The following CLNK variants were observed in gnomAD, a reference collection of about 807,000 sequenced individuals.
CLNK encodes cytokine-dependent hematopoietic cell linker.
CLNK carries 74 observed loss-of-function variants against 68.6 expected under a neutral mutation model. The ratio of observed to expected loss-of-function variants is 1.08; its 90% CI spans 0.89 to 1.31. The LOEUF is 1.31. CLNK is among the 50% of genes most tolerant of loss of function. CLNK has a pLI of 0.00. For missense variants in CLNK, 553 were observed against 515.3 expected (o/e 1.07, Z -0.71); for synonymous variants, 198 against 172.2 (o/e 1.15, Z -1.17).
the CLNK span, among the ~76,000 whole-genome samples, chr4:10,699,264 TACACAC>T: frequency 7.1e-5 from 5 of 69,982 alleles, no homozygotes; most frequent in Admixed American, 1.3e-4. Context: ...TATGTGTGTA[TACACAC>T]ACACACACCA....
the CLNK span, among the ~76,000 whole-genome samples, chr4:10,728,693 G>A: frequency 0.43 from 63,234 of 148,686 alleles, 13,949 homozygotes; most frequent in East Asian, 0.61. Context: ...GGTTCACACT[G>A]TTCTCCTGCC....
chr4:10,629,460 C>G (rs577443990), intron 2 of CLNK, among the ~76,000 whole-genome samples: 1 of 152,180 alleles, frequency 6.6e-6, no homozygotes. Flanking sequence ...GGGGTGTTCA[C>G]AGATGAGGCC....
At chr4:10,667,638 T>C (rs913520258) in intron 2 of CLNK, among the ~76,000 whole-genome samples, 2 of 139,830 alleles carry the variant, frequency 1.4e-5, no homozygotes, top group Non-Finnish European at 3.1e-5. Context: ...CACACACCCA[T>C]GCTGGGTGAC....
intron 4 of CLNK, among the ~76,000 whole-genome samples, chr4:10,582,728 T>C (rs1720827086): frequency 6.6e-6 from 1 of 152,176 alleles, no homozygotes. Context: ...GTATACAAAA[T>C]CATATGCTAC....
At chr4:10,637,902 C>T (rs904500604) in intron 2 of CLNK, among the ~76,000 whole-genome samples, 4 of 152,038 alleles carry the variant, frequency 2.6e-5, no homozygotes, top group East Asian at 3.9e-4. Context: ...ATTCTGCGCC[C>T]GGCCCATCAT....
At chr4:10,689,676 G>T (rs1488386669), upstream of CLNK, among the ~76,000 whole-genome samples, 1 of 147,800 alleles carries the variant, frequency 6.8e-6, no homozygotes, top group Non-Finnish European at 1.5e-5. Flanking sequence ...AACCAAAGAA[G>T]GGTGTGTTGT....
chr4:10,662,226 C>T (rs4235336), intron 2 of CLNK, among the ~76,000 whole-genome samples: 67,276 of 151,996 alleles, frequency 0.44, 15,467 homozygotes, highest in East Asian at 0.51. Flanking sequence ...GGTGATAAAA[C>T]TGCCTCATAA....
At chr4:10,600,802 G>C (rs372695066) in intron 2 of CLNK, among the ~76,000 whole-genome samples, 1 of 152,202 alleles carries the variant, frequency 6.6e-6, no homozygotes, top group Non-Finnish European at 1.5e-5. Flanking sequence ...CCTGCACTGA[G>C]TAGGAGCCCT....
intron 14 of CLNK, 82 bp downstream of exon 14, chr4:10,525,759 A>G (rs1394118851): frequency 3.8e-6 from 3 of 783,210 alleles, no homozygotes; most frequent in Non-Finnish European, 6.2e-6. Flanking sequence ...TTTCTCAGAA[A>G]GTCTTTGTGA....
At chr4:10,585,353 A>G (rs57743724) in intron 3 of CLNK, among the ~76,000 whole-genome samples, 2 of 152,386 alleles carry the variant, frequency 1.3e-5, no homozygotes, top group Admixed American at 6.5e-5. Flanking sequence ...ATCATGAACT[A>G]TAAACAGATG....
intron 2 of CLNK, among the ~76,000 whole-genome samples, chr4:10,613,263 G>A (rs1411887266): frequency 2.0e-5 from 3 of 152,148 alleles, no homozygotes; most frequent in Non-Finnish European, 4.4e-5. Flanking sequence ...GGGTGGGCAG[G>A]TGGGTATGAA....
At chr4:10,658,493 G>T (rs1312391078) in intron 2 of CLNK, among the ~76,000 whole-genome samples, 5 of 152,124 alleles carry the variant, frequency 3.3e-5, no homozygotes, top group Admixed American at 3.3e-4. Context: ...AGGGGTCTCT[G>T]GTGCTGTTTC....
intron 3 of CLNK, among the ~76,000 whole-genome samples, chr4:10,588,665 A>G (rs1203666860): frequency 1.3e-5 from 2 of 152,214 alleles, no homozygotes; most frequent in Non-Finnish European, 2.9e-5. Flanking sequence ...TTTAACTTAC[A>G]AAAAGCTGTA....
At chr4:10,560,336 C>A (rs1039471751) in intron 7 of CLNK, among the ~76,000 whole-genome samples, 4 of 152,310 alleles carry the variant, frequency 2.6e-5, no homozygotes, top group South Asian at 2.1e-4. Context: ...TGGTTTAGGG[C>A]AAGACAGTTG....
intron 2 of CLNK, among the ~76,000 whole-genome samples, chr4:10,607,411 A>G (rs1721832292): frequency 6.6e-6 from 1 of 152,214 alleles, no homozygotes; most frequent in African/African-American, 2.4e-5. Context: ...GGTTGTTTCA[A>G]TGAACGCATG....
chr4:10,621,682 C>G (rs552466676), intron 2 of CLNK, among the ~76,000 whole-genome samples: 3 of 152,208 alleles, frequency 2.0e-5, no homozygotes, highest in Non-Finnish European at 4.4e-5. Flanking sequence ...TAGGAACATA[C>G]TGTCAAGAAA....
intron 4 of CLNK, 66 bp from the exon 5 acceptor site, chr4:10,571,844 G>A: frequency 7.9e-7 from 1 of 1,269,900 alleles, no homozygotes; most frequent in Non-Finnish European, 1.1e-6. Flanking sequence ...CAAAAAGACT[G>A]GGCCCTTGTT....
chr4:10,630,893 C>G (rs1459395688), intron 2 of CLNK, among the ~76,000 whole-genome samples: 1 of 152,062 alleles, frequency 6.6e-6, no homozygotes. Context: ...TTACACCAAG[C>G]CATTTATCTC....
At chr4:10,643,696 A>G (rs1165801222) in intron 2 of CLNK, among the ~76,000 whole-genome samples, 1 of 152,232 alleles carries the variant, frequency 6.6e-6, no homozygotes, top group African/African-American at 2.4e-5. Flanking sequence ...ACCCCCAGTC[A>G]GAGTTCAAAA....
Sources: allele counts gnomAD v4.1 joint callset (sites outside exome capture counted in the v4.1 genomes callset), GRCh38; gene constraint gnomAD v4.1.1; transcripts MANE v1.5; gene names NCBI Gene and HGNC (gene_info 2026-07-23, HGNC 2026-07-21).